Variants in RBFOX1 observed in about 807,000 individuals in gnomAD.
RBFOX1 encodes RNA binding fox-1 homolog 1, also known as RNA binding protein fox-1 homolog 1.
A neutral mutation model predicts 57.7 loss-of-function variants in RBFOX1; 8 were observed. That is an observed-to-expected ratio of 0.14 (90% CI 0.08 to 0.25). The LOEUF (loss-of-function observed/expected upper bound fraction) is 0.25. RBFOX1 is among the 10% of genes least tolerant of loss of function. The pLI, the probability that RBFOX1 is intolerant of heterozygous loss-of-function variation, is 1.00. For synonymous variants in RBFOX1, 326 were observed against 222.4 expected (o/e 1.47, Z -4.15); for missense variants, 611 against 548.5 (o/e 1.11, Z -1.14).
intron 3 of RBFOX1, among the ~76,000 whole-genome samples, chr16:5,642,849 T>A (rs1353113134): frequency 1.3e-5 from 2 of 152,156 alleles, no homozygotes; most frequent in Non-Finnish European, 2.9e-5. Flanking sequence ...AGGTGCTGCC[T>A]GATGACTCTG....
chr16:5,530,827 C>A (rs1387066504), intron 2 of RBFOX1, among the ~76,000 whole-genome samples: 1 of 150,288 alleles, frequency 6.7e-6, no homozygotes, highest in Non-Finnish European at 1.5e-5. Context: ...GTGGCTCACG[C>A]CTGTAATCCC....
At chr16:7,267,682 C>A (rs574102455) in intron 4 of RBFOX1, among the ~76,000 whole-genome samples, 7 of 152,068 alleles carry the variant, frequency 4.6e-5, no homozygotes, top group Non-Finnish European at 1.0e-4. Context: ...TGGCAAAACC[C>A]CATCTTTACT....
chr16:6,735,413 A>T (rs1318725643), intron 3 of RBFOX1, among the ~76,000 whole-genome samples: 1 of 152,198 alleles, frequency 6.6e-6, no homozygotes, highest in Non-Finnish European at 1.5e-5. Context: ...AATTGTAAAT[A>T]GGTAAATGGA....
intron 1 of RBFOX1, among the ~76,000 whole-genome samples, chr16:6,160,549 C>A (rs1215315420): frequency 6.6e-6 from 1 of 152,192 alleles, no homozygotes; most frequent in Non-Finnish European, 1.5e-5. Flanking sequence ...GCCTCATACA[C>A]AGATCCTGCA....
At chr16:5,352,236 C>T (rs980728919) in intron 1 of RBFOX1, among the ~76,000 whole-genome samples, 2 of 152,204 alleles carry the variant, frequency 1.3e-5, no homozygotes, top group East Asian at 1.9e-4. Context: ...CGCTTGTCCA[C>T]CCTGGGAGTG....
chr16:7,525,441 C>G (rs572646187), intron 5 of RBFOX1, among the ~76,000 whole-genome samples: 98 of 152,176 alleles, frequency 6.4e-4, no homozygotes, highest in South Asian at 1.9e-3. Flanking sequence ...CTCTGTTTGC[C>G]TCTGGGTGTG....
intron 2 of RBFOX1, among the ~76,000 whole-genome samples, chr16:6,452,116 C>A (rs2534766): frequency 0.74 from 77,833 of 104,950 alleles, 28,148 homozygotes; most frequent in East Asian, 0.88. Flanking sequence ...CCATCCATGG[C>A]TCCTTCCTTC....
intron 4 of RBFOX1, among the ~76,000 whole-genome samples, chr16:7,354,475 C>G (rs564294640): frequency 3.2e-4 from 49 of 152,274 alleles, no homozygotes; most frequent in Non-Finnish European, 6.2e-4. Context: ...CGGCCTAGCA[C>G]CAGCTGAGAC....
At chr16:6,483,560 A>T (rs1597911089) in intron 2 of RBFOX1, 3 of 1,535,190 alleles carry the variant, frequency 2.0e-6, no homozygotes, top group Admixed American at 2.0e-5. Flanking sequence ...GCGAGCGAAG[A>T]AGACTCTAAA....
chr16:5,647,068 C>G (rs977562578), intron 3 of RBFOX1, among the ~76,000 whole-genome samples: 2 of 152,272 alleles, frequency 1.3e-5, no homozygotes, highest in Middle Eastern at 3.4e-3. Context: ...TTCTTTCCTT[C>G]TAAGAAACAC....
chr16:6,623,466 TAA>T (rs776059598), intron 2 of RBFOX1, among the ~76,000 whole-genome samples: 26 of 151,864 alleles, frequency 1.7e-4, no homozygotes, highest in Non-Finnish European at 3.2e-4. Context: ...TATTATACTT[TAA>T]GTTTTAGGGT....
intron 2 of RBFOX1, among the ~76,000 whole-genome samples, chr16:6,476,076 GA>G (rs534458124): frequency 6.6e-6 from 1 of 151,724 alleles, no homozygotes; most frequent in Non-Finnish European, 1.5e-5. Context: ...GTTCCCAGGT[GA>G]AAAAAAATGT....
chr16:5,410,890 G>C (rs1238786110), intron 1 of RBFOX1, among the ~76,000 whole-genome samples: 1 of 152,200 alleles, frequency 6.6e-6, no homozygotes, highest in Non-Finnish European at 1.5e-5. Context: ...CTGTAAGCTT[G>C]GGAAACCACT....
At chr16:6,492,841 CTGTT>C (rs1347702147) in intron 2 of RBFOX1, among the ~76,000 whole-genome samples, 3 of 152,118 alleles carry the variant, frequency 2.0e-5, no homozygotes, top group East Asian at 3.9e-4. Flanking sequence ...ACTCAGAAAT[CTGTT>C]TGAAAAACTT....
At chr16:5,309,725 T>C (rs1223605509) in intron 1 of RBFOX1, among the ~76,000 whole-genome samples, 1 of 152,172 alleles carries the variant, frequency 6.6e-6, no homozygotes, top group Non-Finnish European at 1.5e-5. Context: ...CAATTATGAT[T>C]ATAGAGAGTA....
chr16:6,783,638 T>C (rs567337555), intron 3 of RBFOX1, among the ~76,000 whole-genome samples: 1 of 152,220 alleles, frequency 6.6e-6, no homozygotes, highest in African/African-American at 2.4e-5. Flanking sequence ...TTTTCATAGG[T>C]TTGTCTTTTA....
intron 4 of RBFOX1, among the ~76,000 whole-genome samples, chr16:7,514,905 G>A (rs1300173892): frequency 6.6e-6 from 1 of 152,166 alleles, no homozygotes; most frequent in African/African-American, 2.4e-5. Flanking sequence ...TGTTCCTGGT[G>A]AAAGTATCTT....
intron 3 of RBFOX1, among the ~76,000 whole-genome samples, chr16:6,895,828 C>A (rs1049414377): frequency 6.6e-6 from 1 of 151,996 alleles, no homozygotes; most frequent in Non-Finnish European, 1.5e-5. Context: ...TTGTTTAAAC[C>A]TCTTGGGATC....
chr16:6,660,122 A>C (rs1268444634), intron 3 of RBFOX1, among the ~76,000 whole-genome samples: 1 of 151,754 alleles, frequency 6.6e-6, no homozygotes, highest in Non-Finnish European at 1.5e-5. Context: ...CTACTTGGGA[A>C]GCTGAGGTGG....
Sources: gnomAD v4.1 joint callset for allele counts (sites outside exome capture counted in the v4.1 genomes callset) on GRCh38, gnomAD v4.1.1 for gene constraint, MANE v1.5 for transcripts, NCBI Gene and HGNC (gene_info 2026-07-23, HGNC 2026-07-21) for gene names.